The following PARD3B variants were observed in gnomAD, a reference collection of about 807,000 sequenced individuals.
PARD3B encodes the protein par-3 family cell polarity regulator beta.
A neutral mutation model predicts 130.2 loss-of-function variants in PARD3B; 103 were observed. That is an observed-to-expected ratio of 0.79 (90% CI 0.67 to 0.93). PARD3B has a LOEUF of 0.93. Ranked by LOEUF, PARD3B falls within the 40% of genes least tolerant of loss-of-function variation. PARD3B has a pLI of 0.00. For synonymous variants in PARD3B, 583 were observed against 553.2 expected, an observed-to-expected ratio of 1.05 and a Z score of -0.76; for missense variants, 1,609 against 1,499.2, an observed-to-expected ratio of 1.07 and a Z score of -1.21.
intron 5 of PARD3B, among the ~76,000 whole-genome samples, chr2:205,112,501 C>T (rs114538250): frequency 0.018 from 2,671 of 152,154 alleles, 81 homozygotes; most frequent in African/African-American, 0.061. Context: ...AGCTGTAGCT[C>T]TTAATTTGAC....
At chr2:205,247,137 A>T (rs2039606664) in intron 16 of PARD3B, among the ~76,000 whole-genome samples, 1 of 152,166 alleles carries the variant, frequency 6.6e-6, no homozygotes, top group South Asian at 2.1e-4. Context: ...TCAAGGCAAA[A>T]AGTTGAAGTC....
chr2:204,695,572 G>A (rs920908438), intron 2 of PARD3B, among the ~76,000 whole-genome samples: 4 of 152,082 alleles, frequency 2.6e-5, no homozygotes, highest in Non-Finnish European at 5.9e-5. Flanking sequence ...CAGTTCTCAT[G>A]TTTATAAAGT....
At chr2:204,997,581 A>G (rs1045052775) in intron 3 of PARD3B, among the ~76,000 whole-genome samples, 1 of 150,208 alleles carries the variant, frequency 6.7e-6, no homozygotes, top group African/African-American at 2.5e-5. Context: ...TTTAAGCCAG[A>G]AAGTATTCTT....
intron 4 of PARD3B, among the ~76,000 whole-genome samples, chr2:205,098,367 A>G (rs889237560): frequency 6.6e-6 from 1 of 152,150 alleles, no homozygotes; most frequent in Non-Finnish European, 1.5e-5. Context: ...ATTGAGGGGG[A>G]AAAATCATGG....
chr2:204,861,674 C>T (rs571615426), intron 2 of PARD3B, among the ~76,000 whole-genome samples: 2 of 152,020 alleles, frequency 1.3e-5, no homozygotes, highest in East Asian at 3.9e-4. Flanking sequence ...TGGACTCTTA[C>T]CTTACATAAT....
At chr2:205,457,075 C>T (rs2048302716) in intron 20 of PARD3B, among the ~76,000 whole-genome samples, 1 of 151,172 alleles carries the variant, frequency 6.6e-6, no homozygotes, top group African/African-American at 2.4e-5. Context: ...GTTAATTTTT[C>T]TTTAAACATT....
chr2:204,791,780 A>G (rs1446228991), intron 2 of PARD3B, among the ~76,000 whole-genome samples: 1 of 152,342 alleles, frequency 6.6e-6, no homozygotes, highest in South Asian at 2.1e-4. Flanking sequence ...CCTTGTCTAC[A>G]TACCTATTAT....
At chr2:205,057,530 T>C (rs1321487584) in intron 4 of PARD3B, among the ~76,000 whole-genome samples, 3 of 146,962 alleles carry the variant, frequency 2.0e-5, no homozygotes, top group Non-Finnish European at 4.5e-5. Context: ...TGTGTATATA[T>C]ACATATATGT....
intron 2 of PARD3B, among the ~76,000 whole-genome samples, chr2:204,734,056 A>T (rs1018485671): frequency 3.3e-5 from 5 of 152,318 alleles, no homozygotes; most frequent in African/African-American, 1.2e-4. Context: ...TAACATACAC[A>T]GATAACTCTT....
At chr2:204,983,249 C>T (rs1410417331) in intron 3 of PARD3B, among the ~76,000 whole-genome samples, 3 of 152,026 alleles carry the variant, frequency 2.0e-5, no homozygotes, top group Non-Finnish European at 1.5e-5. Flanking sequence ...TAGTTTCATT[C>T]TCAAAAAAAT....
At chr2:204,923,035 T>C (rs1489248635) in intron 2 of PARD3B, among the ~76,000 whole-genome samples, 1 of 152,136 alleles carries the variant, frequency 6.6e-6, no homozygotes, top group Non-Finnish European at 1.5e-5. Context: ...CCTATGTCTG[T>C]CTGCCTCTTA....
chr2:204,904,454 A>G (rs959043672), intron 2 of PARD3B, among the ~76,000 whole-genome samples: 2 of 152,224 alleles, frequency 1.3e-5, no homozygotes, highest in Admixed American at 6.5e-5. Flanking sequence ...CCAAGGAATC[A>G]TATCAAATTC....
chr2:204,666,259 G>T lies in PARD3B; in HGVS notation c.121-19922G>T, dbSNP rs143226536. Reference sequence around the variant, plus strand: ...ATGTGAACAAGGTAATGGTGGGTGCGATGGAATAATAAATTAATTCTAATT... The same window carrying T: ...ATGTGAACAAGGTAATGGTGGGTGCTATGGAATAATAAATTAATTCTAATT... On this transcript the variant is annotated intron_variant, in intron 1 of 22. Transcript: ENST00000406610. Among the ~76,000 whole-genome samples, 89 of 152,252 alleles carry T rather than the reference G, an allele frequency of 5.8e-4. 1 individual carries two copies. In the East Asian group the frequency reaches 0.016, roughly 27 times the overall value.
At position 204,793,219 on chromosome 2, in the gene PARD3B, C is replaced by T. The variant is rs114461881; in HGVS notation, c.222+106937C>T. ...GACAAAAACAAAGTTTTCGTTTCAT[C>T]CAGAATATTTCATTTATATTTTAGA... On this transcript the variant is annotated intron_variant, in intron 2 of 22. Transcript: ENST00000406610. Among the ~76,000 whole-genome samples, 1,131 of 152,218 alleles carry T rather than the reference C, an allele frequency of 7.4e-3. 12 individuals are homozygous for T. The highest frequency in any genetic ancestry group is 0.026 in the African/African-American group (1,069 of 41,536).
At position 205,617,693 on chromosome 2, in the gene PARD3B, G is replaced by T. The variant is rs2055478524; in HGVS notation, c.*1880G>T. On this transcript the variant is annotated 3_prime_UTR_variant, in exon 23 of 23. Coordinates refer to ENST00000406610, the MANE Select transcript of PARD3B (RefSeq NM_001302769.2). ...TTTGCAATTTGTTCGAAGTGGTTGA[G>T]GATCTCAGGCCCTGCTCACGTGAGG... The T allele has an allele frequency of 6.6e-6, 1 of 152,198 alleles. No homozygotes were observed. The highest frequency in any genetic ancestry group is 2.4e-5 in the African/African-American group (1 of 41,464). The allele number at this position is 152,198 out of a possible 1,614,324, so 9.4% of individuals were successfully genotyped here.
intron 1 of PARD3B, among the ~76,000 whole-genome samples, chr2:204,653,730 G>T (rs966381542): frequency 6.8e-6 from 1 of 147,230 alleles, no homozygotes; most frequent in South Asian, 2.1e-4. Context: ...GGCGGAGGTT[G>T]CAGTGAGCCA....
Position 204,545,801 on chromosome 2 carries a change from C to G in PARD3B, c.-199C>G. 1.9e-6 allele frequency: 1 copy of G among 526,208 alleles called. No homozygotes were observed. 32.6% of individuals were successfully genotyped at this position (526,208 alleles called of 1,614,324 possible). ...GGAGGTAACCCCTTTCCGCGGCCGC[C>G]CCTCCCCGATTCCCGCCACCTGCCG... On this transcript the variant is annotated 5_prime_UTR_variant, in exon 1 of 23. Transcript: ENST00000406610.
At chr2:205,372,480 G>A (rs897847909) in intron 18 of PARD3B, among the ~76,000 whole-genome samples, 36 of 152,048 alleles carry the variant, frequency 2.4e-4, no homozygotes, top group African/African-American at 8.7e-4. Context: ...TTCCTTTGAA[G>A]AAATGTCTAT....
intron 3 of PARD3B, among the ~76,000 whole-genome samples, chr2:205,036,182 T>TAC (rs1222662275): frequency 4.8e-5 from 7 of 145,786 alleles, no homozygotes; most frequent in Non-Finnish European, 9.0e-5. Context: ...GGACTATATA[T>TAC]ACAAAATAAG....
Sources: allele counts gnomAD v4.1 joint callset (sites outside exome capture counted in the v4.1 genomes callset), GRCh38; gene constraint gnomAD v4.1.1; transcripts MANE v1.5; gene names NCBI Gene and HGNC (gene_info 2026-07-23, HGNC 2026-07-21).